LRRC7: variants seen among roughly 807,000 people sequenced by gnomAD.
LRRC7 encodes the protein leucine rich repeat containing 7.
A neutral mutation model predicts 175.7 loss-of-function variants in LRRC7; 23 were observed. That is an observed-to-expected ratio of 0.13 (90% CI 0.09 to 0.19). The LOEUF (loss-of-function observed/expected upper bound fraction) is 0.19, where lower values mean the gene tolerates loss of function less well. Ranked by LOEUF, LRRC7 falls within the 10% of genes least tolerant of loss-of-function variation. LRRC7 has a pLI of 1.00. For missense variants in LRRC7, 1,354 were observed against 1,904.7 expected (o/e 0.71, Z 5.38); for synonymous variants, 685 against 680.9 (o/e 1.01, Z -0.09).
At chr1:70,110,311 T>C (rs2102220051) in intron 26 of LRRC7, among the ~76,000 whole-genome samples, 1 of 152,144 alleles carries the variant, frequency 6.6e-6, no homozygotes, top group East Asian at 1.9e-4. Context: ...GCCCAGGAGT[T>C]GGAGGCTGTA....
chr1:70,056,737 G>A (rs1383959645), intron 23 of LRRC7, among the ~76,000 whole-genome samples: 2 of 152,116 alleles, frequency 1.3e-5, no homozygotes, highest in East Asian at 1.9e-4. Context: ...AAAAAGAAAC[G>A]GAGTTATATG....
intron 11 of LRRC7, among the ~76,000 whole-genome samples, chr1:69,995,458 T>A (rs1302212174): frequency 6.6e-6 from 1 of 151,968 alleles, no homozygotes; most frequent in Non-Finnish European, 1.5e-5. Flanking sequence ...AATGTGCAGG[T>A]TAGTTACATA....
chr1:69,912,654 C>G (rs190081049), intron 7 of LRRC7, among the ~76,000 whole-genome samples: 1 of 152,048 alleles, frequency 6.6e-6, no homozygotes, highest in Non-Finnish European at 1.5e-5. Context: ...GCTGTGTAAT[C>G]GTGAGTTAGG....
chr1:69,588,375 C>T (rs1646486611), intron 1 of LRRC7, among the ~76,000 whole-genome samples: 1 of 151,812 alleles, frequency 6.6e-6, no homozygotes, highest in South Asian at 2.1e-4. Flanking sequence ...AAAGAATAAA[C>T]CGGATGTGAA....
chr1:70,023,530 T>G (rs1657743917), intron 17 of LRRC7, among the ~76,000 whole-genome samples, 156 bp downstream of exon 17: 1 of 152,150 alleles, frequency 6.6e-6, no homozygotes, highest in Non-Finnish European at 1.5e-5. Flanking sequence ...AACATTTTGT[T>G]TATTGACATT....
At chr1:69,812,221 C>T (rs1032588321) in intron 4 of LRRC7, among the ~76,000 whole-genome samples, 4 of 152,064 alleles carry the variant, frequency 2.6e-5, no homozygotes, top group East Asian at 1.9e-4. Flanking sequence ...AATGCTGCAT[C>T]GCCAGTCTTG....
chr1:69,702,281 A>T (rs551740135), intron 2 of LRRC7, among the ~76,000 whole-genome samples: 43 of 152,220 alleles, frequency 2.8e-4, no homozygotes, highest in Admixed American at 4.6e-4. Flanking sequence ...ACTGTCAAGC[A>T]AGACAGAACA....
In LRRC7 at chr1:70,038,929, C is replaced by A; in HGVS notation, c.3105C>A (p.Ser1035Arg). 2 of 1,613,912 alleles carry A rather than the reference C, an allele frequency of 1.2e-6. No individual in the cohort carries two copies. Among genetic ancestry groups the A allele is most frequent in the Non-Finnish European group, 1.7e-6 (2 of 1,179,986 alleles). ...ATGGTATGTCCAGTATGTCTCGAAGCCAGTCAGTCCCAATGCTGGATGATG... is the reference window on the plus strand; with the variant it reads ...ATGGTATGTCCAGTATGTCTCGAAGACAGTCAGTCCCAATGCTGGATGATG... ...PEHGMSSMSR[S>R]QSVPMLDDEM... The change falls in exon 21 of 27, where the codon AGC becomes AGA. Residue 1035 changes from serine (S) to arginine (R), a missense_variant. By Grantham distance (110) the Ser-to-Arg change is moderately radical. Transcript: ENST00000651989.
At position 69,815,069 on chromosome 1, in the gene LRRC7, C is replaced by A. The variant is rs139325215; in HGVS notation, c.422-10679C>A. Reference sequence around the variant, plus strand: ...ACTTATAGCTCATTGGGCAAAAATTCTCTAGGAGCTTTTTGAACTGATGCA... The same window carrying A: ...ACTTATAGCTCATTGGGCAAAAATTATCTAGGAGCTTTTTGAACTGATGCA... On this transcript the variant is annotated intron_variant, in intron 4 of 26. Transcript: ENST00000651989. Among the ~76,000 whole-genome samples the A allele has an allele frequency of 1.0e-3, 155 of 152,190 alleles. 1 individual carries two copies. In the East Asian group the frequency reaches 0.016, roughly 16 times the overall value.
intron 2 of LRRC7, among the ~76,000 whole-genome samples, chr1:69,703,883 T>G (rs1269579811): frequency 2.0e-5 from 3 of 152,032 alleles, no homozygotes; most frequent in African/African-American, 7.2e-5. Flanking sequence ...CTGTTCTTTA[T>G]TTTATCTAAA....
At chr1:69,580,458 C>T (rs1646150426) in intron 1 of LRRC7, among the ~76,000 whole-genome samples, 1 of 152,022 alleles carries the variant, frequency 6.6e-6, no homozygotes. Flanking sequence ...ATTTTGTGCA[C>T]AAGTATATTT....
chr1:70,037,869 C>T (rs1005250091), intron 20 of LRRC7, among the ~76,000 whole-genome samples: 79 of 151,508 alleles, frequency 5.2e-4, no homozygotes, highest in African/African-American at 1.8e-3. Flanking sequence ...ATACAATACA[C>T]GTAATAGATA....
intron 7 of LRRC7, among the ~76,000 whole-genome samples, chr1:69,879,226 A>AAC (rs1553167670): frequency 2.4e-4 from 34 of 144,036 alleles, no homozygotes; most frequent in Non-Finnish European, 4.8e-4. Context: ...AAAAAAAAAA[A>AAC]AAAAAAAAAA....
intron 4 of LRRC7, among the ~76,000 whole-genome samples, chr1:69,820,696 CT>C (rs1557771866): frequency 6.6e-6 from 1 of 151,598 alleles, no homozygotes; most frequent in African/African-American, 2.4e-5. Context: ...TGAACTCATC[CT>C]TTTTTATAGA....
At position 70,126,748 on chromosome 1, in the gene LRRC7, G is replaced by A. The variant is rs897252212; in HGVS notation, c.*4861G>A. ...TGTCAGCTCCATTTTGATCTAAACT[G>A]TTCAGGAAATCTATTTTCCAAGATG... On this transcript the variant is annotated 3_prime_UTR_variant, in exon 27 of 27. Coordinates refer to ENST00000651989, the MANE Select transcript of LRRC7 (RefSeq NM_001370785.2). 6.6e-6 allele frequency among the ~76,000 whole-genome samples: 1 copy of A among 152,150 alleles called. No individual in the cohort carries two copies. Among genetic ancestry groups the A allele is most frequent in the Admixed American group, 6.5e-5 (1 of 15,276 alleles).
chr1:69,581,365 A>G lies in LRRC7; in HGVS notation c.2+12724A>G, dbSNP rs181722599. Among the ~76,000 whole-genome samples, 4 of 152,316 alleles carry G rather than the reference A, an allele frequency of 2.6e-5. No individual in the cohort carries two copies. In the East Asian group the frequency reaches 7.7e-4, roughly 29 times the overall value. Reference sequence around the variant, plus strand: ...GAATTTTGGTAGTGGAAATGGAAAGAGATAGATGAAAGTGAAATAAGCTTT... The same window carrying G: ...GAATTTTGGTAGTGGAAATGGAAAGGGATAGATGAAAGTGAAATAAGCTTT... On this transcript the variant is annotated intron_variant, in intron 1 of 26. Coordinates refer to ENST00000651989, the MANE Select transcript of LRRC7 (RefSeq NM_001370785.2).
At position 69,862,583 on chromosome 1, in the gene LRRC7, G is replaced by A. The variant is rs980164656; in HGVS notation, c.647+24300G>A. ...CATCAGAACAGAGTCTATTTGCCCT[G>A]AATAGCTGGAAGTATTTGGAAAATT... On this transcript the variant is annotated intron_variant, in intron 7 of 26. Transcript: ENST00000651989. Among the ~76,000 whole-genome samples the A allele has an allele frequency of 2.0e-5, 3 of 152,104 alleles. No homozygotes were observed. The South Asian group carries it at 6.2e-4, about 32-fold the overall frequency.
intron 7 of LRRC7, among the ~76,000 whole-genome samples, chr1:69,865,995 A>G (rs1684912420): frequency 6.6e-6 from 1 of 152,200 alleles, no homozygotes; most frequent in African/African-American, 2.4e-5. Context: ...GGTACCTGTA[A>G]CTTTCAATAG....
rs1666439829 is a variant in LRRC7, at chr1:70,125,981, TAAGCTTTCCAGTGTA to T, written c.*4102_*4116del. On this transcript the variant is annotated 3_prime_UTR_variant, in exon 27 of 27. Transcript: ENST00000651989. ...TATATATTTAATATCTATTAATATT[TAAGCTTTCCAGTGTA>T]AAGCTTTGGAAAATGTAGTGTGCTT... is the stretch of plus-strand genomic sequence containing the variant. 6.6e-6 allele frequency among the ~76,000 whole-genome samples: 1 copy of T among 152,016 alleles called. No individual in the cohort carries two copies. Among genetic ancestry groups the T allele is most frequent in the African/African-American group, 2.4e-5 (1 of 41,440 alleles).
Sources: gnomAD v4.1 joint callset for allele counts (sites outside exome capture counted in the v4.1 genomes callset) on GRCh38, gnomAD v4.1.1 for gene constraint, MANE v1.5 for transcripts, NCBI Gene and HGNC (gene_info 2026-07-23, HGNC 2026-07-21) for gene names.